The following ADHFE1 variants were observed in gnomAD, a reference collection of about 807,000 sequenced individuals.
ADHFE1 encodes alcohol dehydrogenase iron containing 1.
In ADHFE1, 37 loss-of-function variants were observed where a neutral mutation model predicts 54.8. The observed-to-expected ratio is 0.68, with a 90% CI of 0.52 to 0.89. The LOEUF is 0.89. Ranked by LOEUF, ADHFE1 falls within the 40% of genes least tolerant of loss-of-function variation. The pLI is 0.00. For synonymous variants in ADHFE1, 203 were observed against 229.3 expected (o/e 0.89, Z 1.04); for missense variants, 601 against 591.2 (o/e 1.02, Z -0.17).
Position 66,439,101 on chromosome 8 carries a change from G to A in ADHFE1, c.60-1061G>A, listed in dbSNP as rs987961590. ...CGTCGGGAACCACTAGATGGCAGCCGCGACTCGCGCCAGCTCTCACTCGCC... is the reference window on the plus strand; with the variant it reads ...CGTCGGGAACCACTAGATGGCAGCCACGACTCGCGCCAGCTCTCACTCGCC... On this transcript the variant is annotated intron_variant, in intron 1 of 13. Coordinates refer to ENST00000396623, the MANE Select transcript of ADHFE1 (RefSeq NM_144650.3). The surrounding 1 kb of genome is among the most constrained non-coding windows in gnomAD (Gnocchi z 4.4). The A allele has an allele frequency of 6.1e-6, 5 of 824,264 alleles. No homozygotes were observed. Among genetic ancestry groups the A allele is most frequent in the Non-Finnish European group, 5.9e-6 (4 of 683,224 alleles). 51.1% of individuals were successfully genotyped at this position (824,264 alleles called of 1,614,324 possible).
chr8:66,436,758 GA>G (rs1805487046), intron 1 of ADHFE1, among the ~76,000 whole-genome samples: 1 of 152,184 alleles, frequency 6.6e-6, no homozygotes, highest in Non-Finnish European at 1.5e-5. Flanking sequence ...AGTGTGGAAA[GA>G]AAAGAAAAAG....
In ADHFE1 at chr8:66,442,903, AT is replaced by A; in HGVS notation, c.144+60del. 3 of 1,308,316 alleles carry A rather than the reference AT, an allele frequency of 2.3e-6. No homozygotes were observed. In the South Asian group the frequency reaches 4.0e-5, roughly 18 times the overall value. 81.0% of individuals were successfully genotyped at this position (1,308,316 alleles called of 1,614,324 possible). On this transcript the variant is annotated intron_variant, in intron 3 of 13. Transcript: ENST00000396623. The stretch of plus-strand genomic sequence containing the variant: ...ATGACTAGAAAAAAATAAAACTAGA[AT>A]ATTTTGCTAATGAATTATTATTTTA...
chr8:66,438,738 G>A (rs972759651), intron 1 of ADHFE1, among the ~76,000 whole-genome samples: 3 of 152,058 alleles, frequency 2.0e-5, no homozygotes, highest in Non-Finnish European at 4.4e-5. Context: ...GGCTGAAAAA[G>A]ATTGAGTGAG....
rs200282552 is a variant in ADHFE1, at chr8:66,445,253, C to G, written c.389C>G (p.Ala130Gly). Residue 130 changes from alanine to glycine, a missense_variant, in exon 6 of 14, where the codon GCT becomes GGT. Ala to Gly is a moderately conservative substitution (Grantham distance 60). Transcript: ENST00000396623. The part of the protein sequence containing the change: ...MEAIEFAQKG[A>G]FDAYVAVGGG... Reference sequence around the variant, plus strand: ...GCTATTGAGTTTGCCCAAAAGGGAGCTTTTGATGCCTATGTTGCTGTCGGT... The same window carrying G: ...GCTATTGAGTTTGCCCAAAAGGGAGGTTTTGATGCCTATGTTGCTGTCGGT... 1.5e-5 allele frequency: 24 copies of G among 1,611,722 alleles called. No homozygotes were observed. Among genetic ancestry groups the G allele is most frequent in the Non-Finnish European group, 2.0e-5 (24 of 1,179,398 alleles).
chr8:66,432,506 C>CT lies in ADHFE1; in HGVS notation c.-10dup. The CT allele has an allele frequency of 7.3e-7, 1 of 1,362,754 alleles. No homozygotes were observed. The highest frequency in any genetic ancestry group is 3.0e-5 in the East Asian group (1 of 33,256). The allele number at this position is 1,362,754 out of a possible 1,614,324, so 84.4% of individuals were successfully genotyped here. On this transcript the variant is annotated 5_prime_UTR_variant, in exon 1 of 14. Transcript: ENST00000396623. ...GTAGCGACCCGAGGAGGGAAGAGGA[C>CT]TCCAAGCGCCATGGCCGCTGCCGCC...
chr8:66,442,411 C>A (rs1433386379), intron 2 of ADHFE1, among the ~76,000 whole-genome samples: 1 of 150,814 alleles, frequency 6.6e-6, no homozygotes, highest in Non-Finnish European at 1.5e-5. Flanking sequence ...CCCAGGTTCA[C>A]ACCATTCTCC....
In ADHFE1 at chr8:66,456,843, G is replaced by A. The variant is rs1040616021; in HGVS notation, c.1013G>A (p.Gly338Asp). The change falls in exon 11 of 14, where the codon GGT becomes GAT. Residue 338 changes from glycine (G) to aspartate (D), a missense_variant. Physicochemically the swap from Gly to Asp is moderately conservative, Grantham distance 94. Coordinates refer to ENST00000396623, the MANE Select transcript of ADHFE1 (RefSeq NM_144650.3). ...LCHGMSYPIS[G>D]LVKMYKAKDY... The stretch of plus-strand genomic sequence containing the variant: ...CATGGAATGTCTTACCCAATTTCAG[G>A]TTTAGTGAAGATGTATAAAGCAAAG... The A allele has an allele frequency of 1.9e-6, 3 of 1,608,592 alleles. No individual in the cohort carries two copies. Among genetic ancestry groups the A allele is most frequent in the African/African-American group, 2.7e-5 (2 of 74,718 alleles).
At chr8:66,460,137 T>G in intron 12 of ADHFE1, 171 bp from the exon 13 acceptor site, 8 of 733,466 alleles carry the variant, frequency 1.1e-5, no homozygotes, top group Non-Finnish European at 1.8e-5. Flanking sequence ...CAGAGCTAAG[T>G]GAGCTCCCCC....
intron 10 of ADHFE1, among the ~76,000 whole-genome samples, chr8:66,455,661 A>G (rs1177141042): frequency 6.6e-6 from 1 of 152,248 alleles, no homozygotes; most frequent in Non-Finnish European, 1.5e-5. Context: ...TCACGCCTCT[A>G]ATCCCAACAA....
intron 7 of ADHFE1, 119 bp from the exon 8 acceptor site, chr8:66,448,746 A>G: frequency 1.0e-6 from 1 of 957,818 alleles, no homozygotes; most frequent in Non-Finnish European, 1.6e-6. Flanking sequence ...GCCTCACTAC[A>G]TGAAAATGAA....
At chr8:66,458,950 T>C (rs908015578) in intron 12 of ADHFE1, among the ~76,000 whole-genome samples, 2 of 152,224 alleles carry the variant, frequency 1.3e-5, no homozygotes, top group African/African-American at 4.8e-5. Flanking sequence ...TAGCTGCCGC[T>C]GGGTAATACA....
At chr8:66,458,356 T>A (rs1451168659) in intron 12 of ADHFE1, among the ~76,000 whole-genome samples, 2 of 152,168 alleles carry the variant, frequency 1.3e-5, no homozygotes, top group African/African-American at 4.8e-5. Context: ...GCTGGGAATG[T>A]TAATGACACA....
intron 10 of ADHFE1, among the ~76,000 whole-genome samples, 170 bp downstream of exon 10, chr8:66,454,327 C>T (rs182886360): frequency 3.3e-5 from 5 of 152,232 alleles, no homozygotes; most frequent in African/African-American, 9.6e-5. Flanking sequence ...TTTTCACCAC[C>T]AGCTAAAGTA....
chr8:66,435,914 C>T (rs1222399564), intron 1 of ADHFE1, among the ~76,000 whole-genome samples: 85 of 102,536 alleles, frequency 8.3e-4, no homozygotes, highest in Admixed American at 2.4e-3. Context: ...TAGCAAGATT[C>T]TTTTTTTTTT....
Position 66,447,129 on chromosome 8 carries a change from CAT to C in ADHFE1, c.551-128_551-127del, listed in dbSNP as rs951327507. 9 of 609,740 alleles carry C rather than the reference CAT, an allele frequency of 1.5e-5. No individual in the cohort carries two copies. The African/African-American group carries it at 1.5e-4, about 10-fold the overall frequency. The allele number at this position is 609,740 out of a possible 1,614,324, so 37.8% of individuals were successfully genotyped here. A position where few individuals can be genotyped will look rare whatever the true frequency, so the allele number is the denominator to read the frequency against. ...TGTTAGGTTTCCATACATGTTAATT[CAT>C]ATATATCATGCAAACAAGAGGGTCA... On this transcript the variant is annotated intron_variant, in intron 6 of 13. Coordinates refer to ENST00000396623, the MANE Select transcript of ADHFE1 (RefSeq NM_144650.3).
At chr8:66,441,003 T>C (rs1305887040) in intron 2 of ADHFE1, among the ~76,000 whole-genome samples, 1 of 152,172 alleles carries the variant, frequency 6.6e-6, no homozygotes, top group Non-Finnish European at 1.5e-5. Context: ...CCAAGGGACC[T>C]CCCTGTCCAT....
intron 2 of ADHFE1, among the ~76,000 whole-genome samples, chr8:66,440,460 G>A (rs1244764729): frequency 6.6e-6 from 1 of 152,148 alleles, no homozygotes; most frequent in Non-Finnish European, 1.5e-5. Context: ...TACTTGCCAA[G>A]TCTAAAAATG....
intron 2 of ADHFE1, 102 bp from the exon 3 acceptor site, chr8:66,442,696 A>C: frequency 1.0e-6 from 1 of 992,966 alleles, no homozygotes; most frequent in Non-Finnish European, 1.5e-6. Flanking sequence ...TTTTGGTAAG[A>C]CTTCAAAGGA....
intron 10 of ADHFE1, 91 bp from the exon 11 acceptor site, chr8:66,456,726 C>T (rs547543696): frequency 5.4e-6 from 5 of 925,394 alleles, no homozygotes; most frequent in Non-Finnish European, 8.7e-6. Context: ...GTCTAGAGGC[C>T]GTGACAGGCA....
Sources: allele counts gnomAD v4.1 joint callset (sites outside exome capture counted in the v4.1 genomes callset), GRCh38; gene constraint gnomAD v4.1.1; non-coding constraint Gnocchi (gnomAD v3.1); transcripts MANE v1.5; gene names NCBI Gene and HGNC (gene_info 2026-07-23, HGNC 2026-07-21).